Variants in BRD8 observed in about 807,000 individuals in gnomAD.
BRD8 encodes the protein bromodomain containing 8.
Under a neutral mutation model 143.1 loss-of-function variants are expected in BRD8, and 67 were observed. The observed-to-expected ratio is 0.47, with a 90% CI of 0.38 to 0.57. BRD8 has a LOEUF of 0.57. Among genes scored for constraint, BRD8 ranks in the 20% least tolerant of loss-of-function variants. The pLI is 0.00. For synonymous variants in BRD8, 505 were observed against 517.1 expected, an observed-to-expected ratio of 0.98 and a Z score of 0.32; for missense variants, 1,103 against 1,503.0, an observed-to-expected ratio of 0.73 and a Z score of 4.40.
intron 25 of BRD8, among the ~76,000 whole-genome samples, chr5:138,141,322 G>T (rs1204809096): frequency 2.6e-5 from 4 of 152,184 alleles, no homozygotes; most frequent in Non-Finnish European, 5.9e-5. Flanking sequence ...TAGAGATAGG[G>T]TTTCACCATG....
intron 15 of BRD8, 133 bp from the exon 16 acceptor site, chr5:138,162,279 C>T: frequency 1.5e-6 from 1 of 651,976 alleles, no homozygotes; most frequent in Non-Finnish European, 2.6e-6. Context: ...GTTCATTGCA[C>T]CCTCAACCTC....
chr5:138,168,530 G>C (rs377659292), intron 8 of BRD8: 77 of 1,608,182 alleles, frequency 4.8e-5, no homozygotes, highest in Non-Finnish European at 6.3e-5. Context: ...GCAGAGGGGA[G>C]GGGGGTGGAG....
chr5:138,156,893 T>C (rs1752636178), intron 20 of BRD8: 1 of 1,107,566 alleles, frequency 9.0e-7, no homozygotes, highest in Non-Finnish European at 1.1e-6. Flanking sequence ...CTAGTTTTTT[T>C]TTTCAGTTTA....
intron 24 of BRD8, 29 bp downstream of exon 24, chr5:138,145,760 A>G: frequency 1.3e-6 from 2 of 1,579,104 alleles, no homozygotes; most frequent in South Asian, 2.2e-5. Context: ...AGCTCTGAAC[A>G]TAATCCTATT....
chr5:138,163,463 T>C (rs1753163931), intron 14 of BRD8, 119 bp from the exon 15 acceptor site: 1 of 1,366,262 alleles, frequency 7.3e-7, no homozygotes. Flanking sequence ...CGCTGTTTCC[T>C]GACTCAGCTG....
At chr5:138,163,410 T>G (rs1391150125) in intron 14 of BRD8, 66 bp from the exon 15 acceptor site, 48 of 1,564,996 alleles carry the variant, frequency 3.1e-5, no homozygotes, top group Non-Finnish European at 4.1e-5. Flanking sequence ...TCATTAAACA[T>G]GATCTGTCTT....
At chr5:138,161,107 G>C in intron 17 of BRD8, 39 bp from the exon 18 acceptor site, 2 of 1,515,308 alleles carry the variant, frequency 1.3e-6, no homozygotes, top group South Asian at 2.4e-5. Flanking sequence ...AGTGGGGATG[G>C]AAAGAGGACG....
In BRD8 at chr5:138,160,138, G is replaced by A. The variant is rs763089453; in HGVS notation, c.2463C>T (p.Ser821=). The change falls in exon 19 of 27, where the codon TCC becomes TCT. Residue 821 remains serine, a synonymous_variant. Transcript: ENST00000254900. ...GACTTTTAGCACTGATCCCAGACTC[G>A]GATGTTTGCATAATCAACTGCGTGG... ...FLATQLIMQT[S]ESGISAKSLR... 2.5e-5 allele frequency: 41 copies of A among 1,613,970 alleles called. 1 individual carries two copies. The Middle Eastern group carries it at 4.9e-4, about 19-fold the overall frequency.
intron 2 of BRD8, chr5:138,177,203 TG>T (rs1754416898): frequency 6.2e-6 from 1 of 161,890 alleles, no homozygotes; most frequent in African/African-American, 2.4e-5. Context: ...GTGGCCAACA[TG>T]GTGAAACCCC....
At chr5:138,170,439 G>T (rs1274459415) in intron 6 of BRD8, 30 bp from the exon 7 acceptor site, 2 of 1,612,992 alleles carry the variant, frequency 1.2e-6, no homozygotes, top group Non-Finnish European at 1.7e-6. Context: ...TTAGATGCTA[G>T]ACAGCTCTGG....
chr5:138,164,047 T>C, intron 14 of BRD8, 40 bp downstream of exon 14: 1 of 1,593,114 alleles, frequency 6.3e-7, no homozygotes, highest in Non-Finnish European at 8.6e-7. Context: ...TAGGGAAATC[T>C]AATCACATGG....
rs755480249 is a variant in BRD8 at position 138,145,744 on chromosome 5, TG to T, written c.3368+44del. The T allele has an allele frequency of 2.0e-6, 3 of 1,507,296 alleles. No homozygotes were observed. The East Asian group carries it at 6.8e-5, about 34-fold the overall frequency. 93.4% of individuals were successfully genotyped at this position (1,507,296 alleles called of 1,614,324 possible). The stretch of plus-strand genomic sequence containing the variant: ...ATGCTTAAACCCCAATATGTATTAC[TG>T]CTTCAGCTCTGAACATAATCCTATT... On this transcript the variant is annotated intron_variant, in intron 24 of 26. Transcript: ENST00000254900.
chr5:138,169,288 G>T lies in BRD8; in HGVS notation c.576C>A (p.Ala192=). The change falls in exon 8 of 27, where the codon GCC becomes GCA. Residue 192 remains alanine (A), a synonymous_variant. Coordinates refer to ENST00000254900, the MANE Select transcript of BRD8 (RefSeq NM_139199.2). ...TVMVRSPIDS[A]SPGGDYPLGD... is the part of the protein sequence containing the mutation. ...CAAGTGGATAATCACCTCCTGGGGA[G>T]GCAGAATCTATAGGAGAGCGAACCA... The T allele has an allele frequency of 6.2e-7, 1 of 1,614,122 alleles. No homozygotes were observed. Among genetic ancestry groups the T allele is most frequent in the South Asian group, 1.1e-5 (1 of 91,086 alleles).
Position 138,150,179 on chromosome 5 carries a change from A to G in BRD8, c.3121-382T>C, listed in dbSNP as rs1188479334. Reference sequence around the variant, plus strand: ...GTTGCCCAGGCTGGAGTGCAGTAGCATCATCATGGCTCACTGCAGCCTTGC... The same window carrying G: ...GTTGCCCAGGCTGGAGTGCAGTAGCGTCATCATGGCTCACTGCAGCCTTGC... On this transcript the variant is annotated intron_variant, in intron 22 of 26. Coordinates refer to ENST00000254900, the MANE Select transcript of BRD8 (RefSeq NM_139199.2). Among the ~76,000 whole-genome samples, 4 of 148,700 alleles carry G rather than the reference A, an allele frequency of 2.7e-5. No homozygotes were observed. In the East Asian group the frequency reaches 7.9e-4, roughly 30 times the overall value.
chr5:138,166,181 C>CGG, intron 10 of BRD8, 73 bp from the exon 11 acceptor site: 1 of 1,030,636 alleles, frequency 9.7e-7, no homozygotes, highest in Non-Finnish European at 1.4e-6. Context: ...ATCACATAAG[C>CGG]GCTACAGACA....
In BRD8 at chr5:138,165,873, C is replaced by T; in HGVS notation, c.1233G>A (p.Leu411=). The change falls in exon 11 of 27, where the codon CTG becomes CTA. Residue 411 remains leucine, a synonymous_variant. Transcript: ENST00000254900. The part of the protein sequence containing the change: ...DIAVSYTGEE[L]DFETVGDIIA... ...TGATGTCTCCAACAGTCTCAAAATC[C>T]AGCTCTTCACCTGTGTAAGACACAG... 1 of 1,614,168 alleles carries T rather than the reference C, an allele frequency of 6.2e-7. No homozygotes were observed. The highest frequency in any genetic ancestry group is 8.5e-7 in the Non-Finnish European group (1 of 1,180,020).
intron 20 of BRD8, chr5:138,157,091 G>A (rs913725429): frequency 1.9e-6 from 3 of 1,559,662 alleles, no homozygotes; most frequent in Non-Finnish European, 2.6e-6. Flanking sequence ...CTCATGTCGT[G>A]TGGCCCAGGT....
intron 7 of BRD8, 141 bp from the exon 8 acceptor site, chr5:138,169,499 T>A: frequency 2.1e-6 from 2 of 951,678 alleles, no homozygotes; most frequent in Non-Finnish European, 3.0e-6. Flanking sequence ...TAGAAAGCTT[T>A]AACACTTCTA....
In BRD8 at chr5:138,166,554, C is replaced by T; in HGVS notation, c.961G>A (p.Ala321Thr). The T allele has an allele frequency of 1.2e-6, 2 of 1,613,770 alleles. No individual in the cohort carries two copies. The highest frequency in any genetic ancestry group is 2.2e-5 in the East Asian group (1 of 44,870). Residue 321 changes from alanine to threonine, a missense_variant, in exon 10 of 27, where the codon GCT becomes ACT. Physicochemically the swap from Ala to Thr is moderately conservative, Grantham distance 58 (BLOSUM62 0). Transcript: ENST00000254900. ...CTTTCAGTAGTGGAGACAGCCGGAG[C>T]AGAGGATGGTGCTGGCAGCGCAGGC... ...MMPALPAPSS[A>T]PAVSTTESVA...
Sources: gnomAD v4.1 joint callset for allele counts (sites outside exome capture counted in the v4.1 genomes callset) on GRCh38, gnomAD v4.1.1 for gene constraint, MANE v1.5 for transcripts, NCBI Gene and HGNC (gene_info 2026-07-23, HGNC 2026-07-21) for gene names.